ALPK2: variants seen among roughly 807,000 people sequenced by gnomAD.
The protein encoded by ALPK2 is alpha kinase 2.
A neutral mutation model predicts 163.1 loss-of-function variants in ALPK2; 127 were observed. The observed-to-expected ratio is 0.78, with a 90% CI of 0.67 to 0.90. ALPK2 has a LOEUF of 0.90. Among genes scored for constraint, ALPK2 ranks in the 40% least tolerant of loss-of-function variants. ALPK2 has a pLI of 0.00. For missense variants in ALPK2, 2,360 were observed against 2,589.6 expected, an observed-to-expected ratio of 0.91 and a Z score of 1.92; for synonymous variants, 953 against 959.1, an observed-to-expected ratio of 0.99 and a Z score of 0.12.
intron 10 of ALPK2, among the ~76,000 whole-genome samples, chr18:58,511,215 C>G (rs1001173398): frequency 6.6e-6 from 1 of 152,154 alleles, no homozygotes; most frequent in East Asian, 1.9e-4. Flanking sequence ...TTGAACCAGC[C>G]TTGCATCCCA....
chr18:58,483,524 A>G (rs1477511791), intron 12 of ALPK2, among the ~76,000 whole-genome samples: 1 of 124,952 alleles, frequency 8.0e-6, no homozygotes, highest in South Asian at 2.8e-4. Flanking sequence ...GATAAGTCCT[A>G]CTCACTTTAT....
At chr18:58,619,624 A>T (rs1405545381) in intron 1 of ALPK2, among the ~76,000 whole-genome samples, 1 of 152,258 alleles carries the variant, frequency 6.6e-6, no homozygotes, top group African/African-American at 2.4e-5. Context: ...AACAGTTTTT[A>T]TATTTTATTT....
intron 6 of ALPK2, among the ~76,000 whole-genome samples, chr18:58,524,729 C>T (rs2051575294): frequency 6.6e-6 from 1 of 152,146 alleles, no homozygotes; most frequent in Non-Finnish European, 1.5e-5. Context: ...AGATCAATTT[C>T]ATGATGCCCT....
chr18:58,555,923 G>A (rs1434040284), intron 4 of ALPK2, among the ~76,000 whole-genome samples: 1 of 152,308 alleles, frequency 6.6e-6, no homozygotes, highest in East Asian at 1.9e-4. Context: ...CCCGGTTCAA[G>A]CGATTCTCCT....
intron 3 of ALPK2, among the ~76,000 whole-genome samples, chr18:58,585,830 T>C (rs1027943558): frequency 2.0e-5 from 3 of 152,100 alleles, no homozygotes; most frequent in Non-Finnish European, 4.4e-5. Flanking sequence ...ACTATAGGCA[T>C]GCACCACCAT....
intron 3 of ALPK2, among the ~76,000 whole-genome samples, chr18:58,604,044 G>T (rs1201850293): frequency 6.6e-6 from 1 of 152,176 alleles, no homozygotes; most frequent in East Asian, 1.9e-4. Context: ...AATGCAGGAT[G>T]CAGGGAAGAT....
Position 58,529,230 on chromosome 18 carries a change from A to G in ALPK2, c.5362T>C (p.Leu1788=). Residue 1788 remains leucine (L), a synonymous_variant, in exon 6 of 13, where the codon TTA becomes CTA. Transcript: ENST00000361673. The stretch of plus-strand genomic sequence containing the variant: ...ATCTCAGCTTGGATCTTTTTCAGTA[A>G]TACTGGAGCTAGAAACAAGATATTT... ...SCKREGRAPV[L]LKKIQAEMFP... The G allele has an allele frequency of 1.2e-6, 2 of 1,611,098 alleles. No homozygotes were observed. Among genetic ancestry groups the G allele is most frequent in the South Asian group, 1.1e-5 (1 of 90,248 alleles).
intron 12 of ALPK2, among the ~76,000 whole-genome samples, chr18:58,486,074 C>A (rs189266684): frequency 4.8e-4 from 73 of 152,324 alleles, no homozygotes; most frequent in African/African-American, 1.7e-3. Flanking sequence ...CTAATAGTCT[C>A]CACCTCTGGA....
intron 4 of ALPK2, among the ~76,000 whole-genome samples, chr18:58,565,560 A>G (rs1228727747): frequency 2.0e-5 from 3 of 152,158 alleles, no homozygotes; most frequent in South Asian, 2.1e-4. Context: ...AAATAATTCA[A>G]TTGTTACGGA....
chr18:58,550,373 C>T (rs111381947), intron 4 of ALPK2, among the ~76,000 whole-genome samples: 109 of 1,828 alleles, frequency 0.06, no homozygotes, highest in South Asian at 0.12. Context: ...CTATCACATA[C>T]AACCCCATCC....
intron 11 of ALPK2, among the ~76,000 whole-genome samples, chr18:58,502,232 G>A (rs1225188201): frequency 1.3e-5 from 2 of 150,846 alleles, no homozygotes; most frequent in Non-Finnish European, 2.9e-5. Context: ...GCATACTCCC[G>A]TAGTCCCAGC....
At chr18:58,596,242 T>C (rs948010011) in intron 3 of ALPK2, among the ~76,000 whole-genome samples, 2 of 152,218 alleles carry the variant, frequency 1.3e-5, no homozygotes, top group African/African-American at 4.8e-5. Context: ...GTGGCTTCCC[T>C]TCGTCTGCCG....
chr18:58,603,359 G>A (rs1157295759), intron 3 of ALPK2, among the ~76,000 whole-genome samples: 1 of 152,234 alleles, frequency 6.6e-6, no homozygotes, highest in East Asian at 1.9e-4. Flanking sequence ...TCCATGAGCT[G>A]ATTGGCTTGT....
At position 58,535,475 on chromosome 18, in the gene ALPK2, T is replaced by A; in HGVS notation, c.4712A>T (p.Asp1571Val). ...CTGACGCTTTCTGGGCTCAACTATG[T>A]CATTTTCAGGGACGTCATGAATTTG... is the stretch of plus-strand genomic sequence containing the variant. ...TGQIHDVPEN[D>V]IVEPRKRQYV... Residue 1571 changes from aspartate to valine, a missense_variant, in exon 5 of 13, where the codon GAC becomes GTC. Physicochemically the swap from Asp to Val is radical, Grantham distance 152. Coordinates refer to ENST00000361673, the MANE Select transcript of ALPK2 (RefSeq NM_052947.4). 6.2e-7 allele frequency: 1 copy of A among 1,614,204 alleles called. No individual in the cohort carries two copies. Among genetic ancestry groups the A allele is most frequent in the Non-Finnish European group, 8.5e-7 (1 of 1,180,024 alleles).
At position 58,517,026 on chromosome 18, in the gene ALPK2, C is replaced by T; in HGVS notation, c.5822G>A (p.Gly1941Asp). The T allele has an allele frequency of 6.2e-7, 1 of 1,614,228 alleles. No individual in the cohort carries two copies. The highest frequency in any genetic ancestry group is 8.5e-7 in the Non-Finnish European group (1 of 1,180,034). Residue 1941 changes from glycine to aspartate, a missense_variant, in exon 9 of 13, where the codon GGC (glycine) becomes GAC (aspartate). Gly to Asp is a moderately conservative substitution (Grantham distance 94, BLOSUM62 -1). Transcript: ENST00000361673. ...RKAFRSTVMH[G>D]LMPVFKPGHA... is the part of the protein sequence containing the mutation. ...GCCAGGTTTGAAGACAGGCATGAGG[C>T]CGTGCATCACTGTGCTGCGGAAGGC...
Position 58,535,685 on chromosome 18 carries a change from C to A in ALPK2, c.4502G>T (p.Gly1501Val). ...IWQVLQPSEG[G>V]ERIPSGCSIG... ...GCTACATCCACTTGGAATTCTTTCA[C>A]CGCCTTCGCTGGGTTGCAGGACTTG... Residue 1501 changes from glycine to valine, a missense_variant, in exon 5 of 13, where the codon GGT becomes GTT. Coordinates refer to ENST00000361673, the MANE Select transcript of ALPK2 (RefSeq NM_052947.4). 1 of 1,614,262 alleles carries A rather than the reference C, an allele frequency of 6.2e-7. No homozygotes were observed. The highest frequency in any genetic ancestry group is 8.5e-7 in the Non-Finnish European group (1 of 1,180,042).
rs2052016410 is a variant in ALPK2 at position 58,591,850 on chromosome 18, A to C, written c.228-11302T>G. 1.3e-5 allele frequency among the ~76,000 whole-genome samples: 2 copies of C among 152,194 alleles called. 1 individual carries two copies. Among genetic ancestry groups the C allele is most frequent in the South Asian group, 4.1e-4 (2 of 4,824 alleles). The stretch of plus-strand genomic sequence containing the variant: ...GGGACTCTCTTAATACACCAAAGCA[A>C]CAGGCAGAGACTGGGGCCATGCTAG... On this transcript the variant is annotated intron_variant, in intron 3 of 12. Transcript: ENST00000361673.
At chr18:58,605,872 G>T (rs531174175) in intron 3 of ALPK2, among the ~76,000 whole-genome samples, 1 of 152,342 alleles carries the variant, frequency 6.6e-6, no homozygotes, top group East Asian at 1.9e-4. Flanking sequence ...TTGACATTTT[G>T]TAAGGGTGTG....
chr18:58,581,481 C>T (rs1176193790), intron 3 of ALPK2, among the ~76,000 whole-genome samples: 1 of 152,224 alleles, frequency 6.6e-6, no homozygotes, highest in African/African-American at 2.4e-5. Context: ...TTTGGCCCAG[C>T]AGGGGAGGAA....
Sources: gnomAD v4.1 joint callset for allele counts (sites outside exome capture counted in the v4.1 genomes callset) on GRCh38, gnomAD v4.1.1 for gene constraint, MANE v1.5 for transcripts, NCBI Gene and HGNC (gene_info 2026-07-23, HGNC 2026-07-21) for gene names.